ANKRD40: variants seen among roughly 807,000 people sequenced by gnomAD.
ANKRD40 encodes ankyrin repeat domain-containing protein 40.
A neutral mutation model predicts 35.5 loss-of-function variants in ANKRD40; 24 were observed. The ratio of observed to expected loss-of-function variants is 0.68; its 90% CI spans 0.49 to 0.95. The LOEUF (loss-of-function observed/expected upper bound fraction) is 0.95, where lower values mean the gene tolerates loss of function less well. Ranked by LOEUF, ANKRD40 falls within the 40% of genes least tolerant of loss-of-function variation. The pLI, the probability that ANKRD40 is intolerant of heterozygous loss-of-function variation, is 0.00. For synonymous variants in ANKRD40, 147 were observed against 173.5 expected, an observed-to-expected ratio of 0.85 and a Z score of 1.20; for missense variants, 361 against 436.0, an observed-to-expected ratio of 0.83 and a Z score of 1.53.
intron 1 of ANKRD40, 55 bp from the exon 2 acceptor site, chr17:50,700,771 A>G: frequency 3.3e-6 from 5 of 1,526,304 alleles, no homozygotes; most frequent in Non-Finnish European, 4.5e-6. Flanking sequence ...TGGATTTCAG[A>G]TTCTAAACAT....
In ANKRD40 at chr17:50,699,466, C is replaced by T. The variant is rs763302247; in HGVS notation, c.711G>A (p.Thr237=). ...GGAATGCTGGCGCTGGTCCTGCATA[C>T]GTCCCATTTTGAGGCTCCAGAGACA... The part of the protein sequence containing the change: ...PPMSLEPQNG[T]YAGPAPAFQP... Residue 237 remains threonine (T), a synonymous_variant, in exon 3 of 5, where the codon ACG becomes ACA. Transcript: ENST00000285243. The T allele has an allele frequency of 5.0e-6, 8 of 1,614,068 alleles. No homozygotes were observed. Among genetic ancestry groups the T allele is most frequent in the South Asian group, 3.3e-5 (3 of 91,082 alleles).
intron 2 of ANKRD40, 48 bp from the exon 3 acceptor site, chr17:50,699,941 C>T: frequency 7.1e-7 from 1 of 1,415,756 alleles, no homozygotes; most frequent in Non-Finnish European, 9.2e-7. Context: ...TCAAAATTAT[C>T]AAAACAAGGT....
At position 50,707,117 on chromosome 17, in the gene ANKRD40, C is replaced by T. The variant is rs1027637321; in HGVS notation, c.134+404G>A. ...TATAAAATTCATATTTGCTCAGTTG[C>T]TTATGCTTTTAGCTCTGCAAGATGC... is the stretch of plus-strand genomic sequence containing the variant. On this transcript the variant is annotated intron_variant, in intron 1 of 4. Coordinates refer to ENST00000285243, the MANE Select transcript of ANKRD40 (RefSeq NM_052855.4). This position sits in a 1 kb window ranked among gnomAD's most constrained non-coding sequence, Gnocchi z 4.8. Among the ~76,000 whole-genome samples, 3 of 152,042 alleles carry T rather than the reference C, an allele frequency of 2.0e-5. No individual in the cohort carries two copies. Among genetic ancestry groups the T allele is most frequent in the Non-Finnish European group, 4.4e-5 (3 of 68,004 alleles).
chr17:50,701,266 A>G (rs1310985161), intron 1 of ANKRD40, among the ~76,000 whole-genome samples: 1 of 152,100 alleles, frequency 6.6e-6, no homozygotes. Context: ...CTTAACACAC[A>G]CACAAAGGAT....
chr17:50,695,861 G>T lies in ANKRD40; in HGVS notation c.*136C>A. On this transcript the variant is annotated 3_prime_UTR_variant, in exon 5 of 5. Transcript: ENST00000285243. ...GGGTCAGGGGCTTCCTACCTTGGCA[G>T]AATGATGTTAGTATATACTATGCAG... 2 of 1,048,766 alleles carry T rather than the reference G, an allele frequency of 1.9e-6. No homozygotes were observed. Among genetic ancestry groups the T allele is most frequent in the Non-Finnish European group, 2.7e-6 (2 of 744,020 alleles). 65.0% of individuals were successfully genotyped at this position (1,048,766 alleles called of 1,614,324 possible). A position where few individuals can be genotyped will look rare whatever the true frequency, so the allele number is the denominator to read the frequency against.
Position 50,699,524 on chromosome 17 carries a change from G to A in ANKRD40, c.653C>T (p.Ser218Phe). 6.2e-7 allele frequency: 1 copy of A among 1,614,214 alleles called. No homozygotes were observed. Among genetic ancestry groups the A allele is most frequent in the Non-Finnish European group, 8.5e-7 (1 of 1,180,040 alleles). The change falls in exon 3 of 5, where the codon TCC (serine) becomes TTC (phenylalanine). Residue 218 changes from serine (S) to phenylalanine (F), a missense_variant. This residue lies in a region of ANKRD40 where 172 missense variants were observed against 174.0 expected (regional missense o/e 0.99). Coordinates refer to ENST00000285243, the MANE Select transcript of ANKRD40 (RefSeq NM_052855.4). The stretch of plus-strand genomic sequence containing the variant: ...CTTGGACGGGACAGAAGAAAACAGG[G>A]AGCGGCTCTGACTCACTGGTGGCTG... ...VCQPPVSQSR[S>F]LFSSVPSKPP...
At chr17:50,697,359 G>A (rs1354696287) in intron 3 of ANKRD40, among the ~76,000 whole-genome samples, 2 of 152,186 alleles carry the variant, frequency 1.3e-5, no homozygotes, top group Non-Finnish European at 2.9e-5. Context: ...GGTTCACAAA[G>A]TAAGAGCAAG....
At position 50,699,830 on chromosome 17, in the gene ANKRD40, T is replaced by A. The variant is rs767002870; in HGVS notation, c.347A>T (p.Glu116Val). The A allele has an allele frequency of 7.2e-6, 11 of 1,535,500 alleles. No homozygotes were observed. The highest frequency in any genetic ancestry group is 4.4e-6 in the Non-Finnish European group (5 of 1,142,990). Residue 116 changes from glutamate (E) to valine (V), a missense_variant, in exon 3 of 5, where the codon GAA (glutamate) becomes GTA (valine). Around this residue, in one of 5 missense-constraint regions of ANKRD40, gnomAD observed 172 missense variants for 174.0 expected, o/e 0.99. Coordinates refer to ENST00000285243, the MANE Select transcript of ANKRD40 (RefSeq NM_052855.4). ...DNLPQLKKES[E>V]LPFVPNYLAN... ...CAAATAGTTGGGAACAAAGGGCAGT[T>A]CTGACTCCTTCTTCAGCTGGGGGAG...
intron 2 of ANKRD40, 46 bp downstream of exon 2, chr17:50,700,522 T>A (rs1471353362): frequency 6.3e-7 from 1 of 1,592,458 alleles, no homozygotes; most frequent in Non-Finnish European, 8.6e-7. Flanking sequence ...CCACAAGTCT[T>A]CAATGAGTCT....
chr17:50,697,016 A>C lies in ANKRD40; in HGVS notation c.884T>G (p.Val295Gly). ...ATTAACACCCAGCTCACAGCAACAC[A>C]CTCTGAGCAACTCTTGGTAGGTGAG... ...QELTYQELLR[V>G]CCCELGVNPD... The change falls in exon 4 of 5, where the codon GTG (valine) becomes GGG (glycine). Residue 295 changes from valine to glycine, a missense_variant. Physicochemically the swap from Val to Gly is moderately radical, Grantham distance 109 (BLOSUM62 -3). Coordinates refer to ENST00000285243, the MANE Select transcript of ANKRD40 (RefSeq NM_052855.4). 6.2e-7 allele frequency: 1 copy of C among 1,613,836 alleles called. No individual in the cohort carries two copies. Among genetic ancestry groups the C allele is most frequent in the Non-Finnish European group, 8.5e-7 (1 of 1,179,954 alleles).
intron 1 of ANKRD40, among the ~76,000 whole-genome samples, chr17:50,702,304 G>A (rs1272782008): frequency 6.6e-6 from 1 of 152,064 alleles, no homozygotes; most frequent in African/African-American, 2.4e-5. Flanking sequence ...GGAGGCTGAG[G>A]CAGGAGAATT....
intron 1 of ANKRD40, among the ~76,000 whole-genome samples, chr17:50,703,688 G>T (rs969793030): frequency 6.6e-6 from 1 of 152,092 alleles, no homozygotes; most frequent in South Asian, 2.1e-4. Context: ...AAGCAGAAGG[G>T]CAAATCCCAT....
intron 3 of ANKRD40, among the ~76,000 whole-genome samples, chr17:50,697,642 C>A (rs1228618374): frequency 1.3e-5 from 2 of 152,148 alleles, no homozygotes; most frequent in Non-Finnish European, 2.9e-5. Context: ...TAAAGTATAA[C>A]TTGATTTGAA....
chr17:50,696,781 C>T (rs1968205280), intron 4 of ANKRD40, 159 bp downstream of exon 4: 2 of 664,422 alleles, frequency 3.0e-6, no homozygotes, highest in Non-Finnish European at 4.6e-6. Context: ...AGCCAGTGTC[C>T]CTATAGACTC....
At position 50,695,883 on chromosome 17, in the gene ANKRD40, G is replaced by C. The variant is rs944938491; in HGVS notation, c.*114C>G. The C allele has an allele frequency of 7.8e-7, 1 of 1,279,948 alleles. No homozygotes were observed. The highest frequency in any genetic ancestry group is 1.5e-5 in the African/African-American group (1 of 67,198). 79.3% of individuals were successfully genotyped at this position (1,279,948 alleles called of 1,614,324 possible). The stretch of plus-strand genomic sequence containing the variant: ...GCAGAATGATGTTAGTATATACTAT[G>C]CAGTGGCACCAGAGGCCCTCCCGGG... On this transcript the variant is annotated 3_prime_UTR_variant, in exon 5 of 5. Transcript: ENST00000285243.
chr17:50,704,958 CA>C (rs201175274), intron 1 of ANKRD40, among the ~76,000 whole-genome samples: 19,704 of 151,626 alleles, frequency 0.13, 1,580 homozygotes, highest in Non-Finnish European at 0.18. Context: ...ACTAAAAATA[CA>C]AAAAATTAGC....
chr17:50,698,893 A>T (rs1281823071), intron 3 of ANKRD40, among the ~76,000 whole-genome samples: 2 of 150,656 alleles, frequency 1.3e-5, no homozygotes, highest in East Asian at 3.9e-4. Context: ...TAATCTCAGC[A>T]CTTTGGGAGG....
intron 1 of ANKRD40, chr17:50,700,960 T>C (rs1968266094): frequency 2.7e-6 from 1 of 373,934 alleles, no homozygotes; most frequent in Non-Finnish European, 4.9e-6. Flanking sequence ...TTAATTTCAA[T>C]AGCCTCCAGA....
In ANKRD40 at chr17:50,701,508, C is replaced by T. The variant is rs1968272202; in HGVS notation, c.135-792G>A. Among the ~76,000 whole-genome samples the T allele has an allele frequency of 2.0e-5, 3 of 152,324 alleles. No individual in the cohort carries two copies. The South Asian group carries it at 6.2e-4, about 32-fold the overall frequency. On this transcript the variant is annotated intron_variant, in intron 1 of 4. Coordinates refer to ENST00000285243, the MANE Select transcript of ANKRD40 (RefSeq NM_052855.4). ...TGTACACAGAGGAAGCAATTCTGCA[C>T]ACTCTGAAGGGCTACTATTTTAATA...
Sources: gnomAD v4.1 joint callset for allele counts (sites outside exome capture counted in the v4.1 genomes callset) on GRCh38, gnomAD v4.1.1 for gene constraint, gnomAD v4.1.1 regional missense constraint, Gnocchi (gnomAD v3.1) non-coding constraint, MANE v1.5 for transcripts, NCBI Gene and HGNC (gene_info 2026-07-23, HGNC 2026-07-21) for gene names.